The following PWWP3A variants were observed in gnomAD, a reference collection of about 807,000 sequenced individuals.
PWWP3A encodes PWWP domain-containing DNA repair factor 3A.
Under a neutral mutation model 79.0 loss-of-function variants are expected in PWWP3A, and 53 were observed. The ratio of observed to expected loss-of-function variants is 0.67; its 90% CI spans 0.54 to 0.84. PWWP3A has a LOEUF of 0.84. Ranked by LOEUF, PWWP3A falls within the 40% of genes least tolerant of loss-of-function variation. The pLI, the probability that PWWP3A is intolerant of heterozygous loss-of-function variation, is 0.00. For synonymous variants in PWWP3A, 443 were observed against 394.4 expected (o/e 1.12, Z -1.46); for missense variants, 973 against 948.0 (o/e 1.03, Z -0.35).
chr19:1,373,257 C>T, intron 13 of PWWP3A, 97 bp downstream of exon 13: 1 of 1,077,490 alleles, frequency 9.3e-7, no homozygotes, highest in Non-Finnish European at 1.4e-6. Context: ...GCTGCCGCAG[C>T]CCCTCTCCCT....
chr19:1,358,753 G>T, intron 4 of PWWP3A: 1 of 1,220,550 alleles, frequency 8.2e-7, no homozygotes, highest in Non-Finnish European at 1.1e-6. Context: ...ACAAGACGAG[G>T]AAGGACTTTG....
chr19:1,366,480 G>T, intron 8 of PWWP3A, 99 bp downstream of exon 8: 1 of 1,115,158 alleles, frequency 9.0e-7, no homozygotes, highest in South Asian at 1.3e-5. Context: ...CAGAGGGGAG[G>T]CCCCGGCAGG....
chr19:1,375,499 TTTTA>T (rs1159013154), intron 13 of PWWP3A, among the ~76,000 whole-genome samples: 1 of 112,740 alleles, frequency 8.9e-6, no homozygotes, highest in Non-Finnish European at 1.8e-5. Context: ...AATATATAAA[TTTTA>T]TATATAATAT....
At chr19:1,364,154 T>G (rs932159784) in intron 6 of PWWP3A, 1 of 535,772 alleles carries the variant, frequency 1.9e-6, no homozygotes, top group Admixed American at 1.9e-5. Flanking sequence ...TCTTTAAAAG[T>G]GTCTTCCCGC....
rs2082420906 is a variant in PWWP3A at position 1,377,218 on chromosome 19, T to C, written c.*642T>C. On this transcript the variant is annotated 3_prime_UTR_variant, in exon 14 of 14. Coordinates refer to ENST00000591337, the MANE Select transcript of PWWP3A (RefSeq NM_001369789.1). ...GGGCCTCTGTGTCCCGCACTGTGTG[T>C]GAGTGGACCGCAGCGCGCAGCCACA... 1 of 152,280 alleles carries C rather than the reference T, an allele frequency of 6.6e-6. No individual in the cohort carries two copies. The highest frequency in any genetic ancestry group is 1.5e-5 in the Non-Finnish European group (1 of 68,234). The allele number at this position is 152,280 out of a possible 1,614,324, so 9.4% of individuals were successfully genotyped here.
At position 1,360,859 on chromosome 19, in the gene PWWP3A, C is replaced by G. The variant is rs768140758; in HGVS notation, c.938C>G (p.Ala313Gly). The change falls in exon 5 of 14, where the codon GCC (alanine) becomes GGC (glycine). Residue 313 changes from alanine (A) to glycine (G), a missense_variant. By Grantham distance (60) the Ala-to-Gly change is moderately conservative. Coordinates refer to ENST00000591337, the MANE Select transcript of PWWP3A (RefSeq NM_001369789.1). The surrounding 1 kb of genome is among the most constrained non-coding windows in gnomAD (Gnocchi z 4.4). ...PRLDGSQRPP[A>G]VQLEPMAAGA... ...CTGGATGGCAGCCAAAGGCCGCCTG[C>G]CGTGCAGCTGGAGCCCATGGCAGCA... is the stretch of plus-strand genomic sequence containing the variant. The G allele has an allele frequency of 6.5e-7, 1 of 1,546,632 alleles. No homozygotes were observed. Among genetic ancestry groups the G allele is most frequent in the Non-Finnish European group, 8.7e-7 (1 of 1,146,518 alleles).
At chr19:1,361,420 C>T (rs1261911822) in intron 5 of PWWP3A, among the ~76,000 whole-genome samples, 1 of 152,194 alleles carries the variant, frequency 6.6e-6, no homozygotes, top group Non-Finnish European at 1.5e-5. Flanking sequence ...AATTGGGCAG[C>T]AATCTCAAAA....
At position 1,367,162 on chromosome 19, in the gene PWWP3A, TCA is replaced by T; in HGVS notation, c.1367_1368del (p.Thr456SerfsTer4). On this transcript the variant is annotated frameshift_variant, in exon 9 of 14. Coordinates refer to ENST00000591337, the MANE Select transcript of PWWP3A (RefSeq NM_001369789.1). LOFTEE classifies it high-confidence loss of function. ...CTTTTCCCTCTCTCTGCTTCAAGTT[TCA>T]CAGTGTCTCTTAAAAGTTTAAAGCA... is the stretch of plus-strand genomic sequence containing the variant. The T allele has an allele frequency of 1.2e-6, 2 of 1,611,906 alleles. No homozygotes were observed. The highest frequency in any genetic ancestry group is 8.5e-7 in the Non-Finnish European group (1 of 1,178,892).
At chr19:1,374,742 T>C (rs191837784) in intron 13 of PWWP3A, among the ~76,000 whole-genome samples, 15 of 152,202 alleles carry the variant, frequency 9.9e-5, no homozygotes, top group Admixed American at 8.5e-4. Flanking sequence ...TCATACTCTT[T>C]CGTAAAAAAT....
chr19:1,370,677 T>A lies in PWWP3A; in HGVS notation c.1585T>A (p.Leu529Met), dbSNP rs1218527995. 4 of 1,452,274 alleles carry A rather than the reference T, an allele frequency of 2.8e-6. No homozygotes were observed. Among genetic ancestry groups the A allele is most frequent in the Non-Finnish European group, 2.7e-6 (3 of 1,100,120 alleles). 90.0% of individuals were successfully genotyped at this position (1,452,274 alleles called of 1,614,324 possible). ...PVRKSIQQDVLGTKLPQLSKG... is the reference protein window; with the variant it reads ...PVRKSIQQDVMGTKLPQLSKG... ...CCGAAAATCCATCCAGCAGGACGTC[T>A]TGGGGACCAAGCTTCCTCAACTGAG... The change falls in exon 12 of 14, where the codon TTG (leucine) becomes ATG (methionine). Residue 529 changes from leucine to methionine, a missense_variant. Physicochemically the swap from Leu to Met is conservative, Grantham distance 15 (BLOSUM62 2). Transcript: ENST00000591337.
Position 1,364,051 on chromosome 19 carries a change from C to G in PWWP3A, c.1214-458C>G, listed in dbSNP as rs939866317. On this transcript the variant is annotated intron_variant, in intron 6 of 13. Coordinates refer to ENST00000591337, the MANE Select transcript of PWWP3A (RefSeq NM_001369789.1). ...ATTTAAATAATTTTCCCATTTTTGA[C>G]TGTAGTTTCCCAGAATCCTCTTTAG... 5.2e-5 allele frequency: 23 copies of G among 442,346 alleles called. No individual in the cohort carries two copies. In the Admixed American group the frequency reaches 6.1e-4, roughly 12 times the overall value. 27.4% of individuals were successfully genotyped at this position (442,346 alleles called of 1,614,324 possible).
chr19:1,375,537 T>TAAAATATA (rs1162661703), intron 13 of PWWP3A, among the ~76,000 whole-genome samples: 1 of 96,216 alleles, frequency 1.0e-5, no homozygotes, highest in African/African-American at 4.8e-5. Context: ...ATTTATATAT[T>TAAAATATA]TTATATATAA....
At chr19:1,366,094 C>A (rs1161764296) in intron 7 of PWWP3A, among the ~76,000 whole-genome samples, 1 of 152,222 alleles carries the variant, frequency 6.6e-6, no homozygotes, top group African/African-American at 2.4e-5. Context: ...ACAAAACTGG[C>A]TGATTCCGCT....
Position 1,368,524 on chromosome 19 carries a change from C to A in PWWP3A, c.1423-741C>A, listed in dbSNP as rs999529160. Among the ~76,000 whole-genome samples the A allele has an allele frequency of 1.3e-5, 2 of 152,108 alleles. No individual in the cohort carries two copies. The highest frequency in any genetic ancestry group is 4.8e-5 in the African/African-American group (2 of 41,416). On this transcript the variant is annotated intron_variant, in intron 9 of 13. Transcript: ENST00000591337. The surrounding 1 kb of genome is among the most constrained non-coding windows in gnomAD (Gnocchi z 4.7). The stretch of plus-strand genomic sequence containing the variant: ...GGGCAGGCAGAGAGCGGCGTCCACC[C>A]GGCCCTGGGATGTGCTTATGGGGTG...
At position 1,377,760 on chromosome 19, in the gene PWWP3A, C is replaced by G. The variant is rs538580956; in HGVS notation, c.*1184C>G. On this transcript the variant is annotated 3_prime_UTR_variant, in exon 14 of 14. Transcript: ENST00000591337. ...GGCCCGGTGGCCTGGGAGCTGCTTTCTCCCCACTGGCTGGGCTGCATCTGG... is the reference window on the plus strand; with the variant it reads ...GGCCCGGTGGCCTGGGAGCTGCTTTGTCCCCACTGGCTGGGCTGCATCTGG... 1 of 152,564 alleles carries G rather than the reference C, an allele frequency of 6.6e-6. No homozygotes were observed. The highest frequency in any genetic ancestry group is 2.4e-5 in the African/African-American group (1 of 41,580). 9.5% of individuals were successfully genotyped at this position (152,564 alleles called of 1,614,324 possible).
In PWWP3A at chr19:1,356,420, C is replaced by G. The variant is rs753006782; in HGVS notation, c.28C>G (p.Arg10Gly). The change falls in exon 2 of 14, where the codon CGA becomes GGA. Residue 10 changes from arginine (R) to glycine (G), a missense_variant. Coordinates refer to ENST00000591337, the MANE Select transcript of PWWP3A (RefSeq NM_001369789.1). ...GGCGGATGCCAAGTATGTCCTCTGC[C>G]GATGGGAAAAGCGATTATGGCCTGC... MADAKYVLCRWEKRLWPAKV... is the reference protein window; with the variant it reads MADAKYVLCGWEKRLWPAKV... The G allele has an allele frequency of 3.1e-6, 5 of 1,613,932 alleles. No homozygotes were observed. In the African/African-American group the frequency reaches 4.0e-5, roughly 13 times the overall value.
chr19:1,360,535 G>C lies in PWWP3A; in HGVS notation c.614G>C (p.Arg205Thr). The change falls in exon 5 of 14, where the codon AGA becomes ACA. Residue 205 changes from arginine to threonine, a missense_variant. Physicochemically the swap from Arg to Thr is moderately conservative, Grantham distance 71. Transcript: ENST00000591337. This position sits in a 1 kb window ranked among gnomAD's most constrained non-coding sequence, Gnocchi z 4.4. ...GGGAQDESGS[R>T]IHHKNWTLAS... The stretch of plus-strand genomic sequence containing the variant: ...GGTGCCCAAGATGAGAGTGGGTCCA[G>C]AATCCACCACAAAAATTGGACTCTT... 6.2e-7 allele frequency: 1 copy of C among 1,614,226 alleles called. No homozygotes were observed.
chr19:1,360,624 T>C lies in PWWP3A; in HGVS notation c.703T>C (p.Ser235Pro). Residue 235 changes from serine to proline, a missense_variant, in exon 5 of 14, where the codon TCA becomes CCA. Ser to Pro is a moderately conservative substitution (Grantham distance 74). Coordinates refer to ENST00000591337, the MANE Select transcript of PWWP3A (RefSeq NM_001369789.1). The surrounding 1 kb of genome is among the most constrained non-coding windows in gnomAD (Gnocchi z 4.4). Reference protein sequence around the residue: ...ASLCLNGSSLSEDDTERDMGS... With the variant: ...ASLCLNGSSLPEDDTERDMGS... ...CTTGTGCCTGAATGGATCTTCCCTT[T>C]CAGAGGACGACACGGAGAGAGACAT... 2 of 1,613,922 alleles carry C rather than the reference T, an allele frequency of 1.2e-6. No homozygotes were observed. The highest frequency in any genetic ancestry group is 1.7e-6 in the Non-Finnish European group (2 of 1,179,864).
intron 6 of PWWP3A, among the ~76,000 whole-genome samples, chr19:1,363,072 G>A (rs921365682): frequency 5.9e-5 from 9 of 152,234 alleles, no homozygotes; most frequent in African/African-American, 1.9e-4. Flanking sequence ...AAAGGGAGGT[G>A]AGGGGGCTTC....
Sources: gnomAD v4.1 joint callset for allele counts (sites outside exome capture counted in the v4.1 genomes callset) on GRCh38, gnomAD v4.1.1 for gene constraint, Gnocchi (gnomAD v3.1) non-coding constraint, MANE v1.5 for transcripts, NCBI Gene and HGNC (gene_info 2026-07-23, HGNC 2026-07-21) for gene names.